RALGAPA2: variants seen among roughly 807,000 people sequenced by gnomAD.
RALGAPA2 encodes the protein Ral GTPase activating protein catalytic subunit alpha 2.
Under a neutral mutation model 230.4 loss-of-function variants are expected in RALGAPA2, and 139 were observed. The ratio of observed to expected loss-of-function variants is 0.60; its 90% CI spans 0.53 to 0.69. The LOEUF (loss-of-function observed/expected upper bound fraction) is 0.69, where lower values mean the gene tolerates loss of function less well. RALGAPA2 is among the 30% of genes least tolerant of loss of function. RALGAPA2 has a pLI of 0.00. For synonymous variants in RALGAPA2, 847 were observed against 837.8 expected (o/e 1.01, Z -0.19); for missense variants, 2,163 against 2,276.0 (o/e 0.95, Z 1.01).
Position 20,536,746 on chromosome 20 carries a change from C to A in RALGAPA2, c.3324G>T (p.Leu1108=). The A allele has an allele frequency of 6.2e-7, 1 of 1,612,810 alleles. No homozygotes were observed. Among genetic ancestry groups the A allele is most frequent in the South Asian group, 1.1e-5 (1 of 91,012 alleles). ...RSEAVTVLGS[L]VCFPNTYQEI... Reference sequence around the variant, plus strand: ...CCTGGTAGGTATTTGGAAAGCAGACCAGAGAGCCGAGGACAGTGACAGCCT... The same window carrying A: ...CCTGGTAGGTATTTGGAAAGCAGACAAGAGAGCCGAGGACAGTGACAGCCT... The change falls in exon 25 of 40, where the codon CTG becomes CTT. Residue 1108 remains leucine (L), a synonymous_variant. Transcript: ENST00000202677.
At chr20:20,483,458 G>T (rs757467574) in intron 36 of RALGAPA2, among the ~76,000 whole-genome samples, 1 of 152,194 alleles carries the variant, frequency 6.6e-6, no homozygotes, top group East Asian at 1.9e-4. Flanking sequence ...TTCCATGTAA[G>T]TGCCTGGCCA....
intron 23 of RALGAPA2, among the ~76,000 whole-genome samples, chr20:20,554,455 GT>G (rs1330635497): frequency 6.6e-6 from 1 of 152,048 alleles, no homozygotes; most frequent in Non-Finnish European, 1.5e-5. Flanking sequence ...TTGGTGACTG[GT>G]TTTGATATGA....
chr20:20,614,197 C>T (rs1235580643), intron 13 of RALGAPA2, among the ~76,000 whole-genome samples: 1 of 152,166 alleles, frequency 6.6e-6, no homozygotes, highest in Non-Finnish European at 1.5e-5. Context: ...TTTCTATGCT[C>T]TATTGACCAT....
chr20:20,513,529 T>C (rs1299518981), intron 31 of RALGAPA2, among the ~76,000 whole-genome samples: 12 of 152,074 alleles, frequency 7.9e-5, no homozygotes. Context: ...GGGAGGACAA[T>C]GCAGGCAAAC....
intron 36 of RALGAPA2, among the ~76,000 whole-genome samples, chr20:20,481,465 G>A (rs561050913): frequency 9.9e-5 from 15 of 152,256 alleles, no homozygotes; most frequent in South Asian, 4.2e-4. Flanking sequence ...AAGAATGTGC[G>A]TGGCTTAACT....
intron 37 of RALGAPA2, among the ~76,000 whole-genome samples, chr20:20,415,300 A>G (rs564165367): frequency 5.2e-4 from 79 of 152,366 alleles, no homozygotes; most frequent in African/African-American, 1.8e-3. Flanking sequence ...CTGGACGGTC[A>G]AAGACCTTTC....
rs188784965 is a variant in RALGAPA2, at chr20:20,621,856, G to A, written c.1234-1226C>T. Among the ~76,000 whole-genome samples the A allele has an allele frequency of 1.4e-4, 22 of 152,324 alleles. No homozygotes were observed. The South Asian group carries it at 3.9e-3, about 27-fold the overall frequency. On this transcript the variant is annotated intron_variant, in intron 10 of 39. Transcript: ENST00000202677. Reference sequence around the variant, plus strand: ...CTTTAATGTCACAGATGAGGATACCGAGGCTTACAGCACCAGAGGTATTCT... The same window carrying A: ...CTTTAATGTCACAGATGAGGATACCAAGGCTTACAGCACCAGAGGTATTCT...
chr20:20,602,802 A>C (rs911904223), intron 15 of RALGAPA2, among the ~76,000 whole-genome samples: 2 of 148,966 alleles, frequency 1.3e-5, no homozygotes, highest in Non-Finnish European at 3.0e-5. Context: ...AGAATCTTGC[A>C]GAATGGCAGG....
chr20:20,409,086 G>C (rs1175184993), intron 38 of RALGAPA2, among the ~76,000 whole-genome samples: 1 of 152,176 alleles, frequency 6.6e-6, no homozygotes, highest in South Asian at 2.1e-4. Flanking sequence ...CATCCTGAAC[G>C]CAAGCCTGTT....
At chr20:20,399,036 G>A (rs1448578954) in intron 38 of RALGAPA2, among the ~76,000 whole-genome samples, 1 of 152,150 alleles carries the variant, frequency 6.6e-6, no homozygotes, top group Non-Finnish European at 1.5e-5. Context: ...CTCCACGGTG[G>A]GGTGATAATG....
intron 1 of RALGAPA2, among the ~76,000 whole-genome samples, chr20:20,691,624 C>T (rs759921594): frequency 6.6e-6 from 1 of 152,110 alleles, no homozygotes; most frequent in East Asian, 1.9e-4. Context: ...TAAGGAGTTC[C>T]ACACCGCTAA....
chr20:20,528,073 A>G (rs2063266951), intron 27 of RALGAPA2, among the ~76,000 whole-genome samples: 1 of 152,052 alleles, frequency 6.6e-6, no homozygotes, highest in Non-Finnish European at 1.5e-5. Flanking sequence ...TGGAGAATGC[A>G]GGGGGGATGT....
At chr20:20,563,800 T>TCCA (rs1713958043) in intron 23 of RALGAPA2, among the ~76,000 whole-genome samples, 1 of 151,966 alleles carries the variant, frequency 6.6e-6, no homozygotes, top group South Asian at 2.1e-4. Flanking sequence ...ATCCTACCTC[T>TCCA]CCAACATATT....
At chr20:20,705,603 A>T (rs1603258717) in intron 1 of RALGAPA2, among the ~76,000 whole-genome samples, 1 of 152,212 alleles carries the variant, frequency 6.6e-6, no homozygotes, top group South Asian at 2.1e-4. Context: ...CTTTTAAAAA[A>T]TTTTTAAAAT....
chr20:20,585,335 T>C lies in RALGAPA2; in HGVS notation c.2440-380A>G, dbSNP rs79514692. ...TGCACACAAATGATAAGTGTGCTGG[T>C]AGGGAAGGCGCAAACTCCACCCAGA... On this transcript the variant is annotated intron_variant, in intron 18 of 39. Coordinates refer to ENST00000202677, the MANE Select transcript of RALGAPA2 (RefSeq NM_020343.4). 2.4e-3 allele frequency among the ~76,000 whole-genome samples: 367 copies of C among 152,204 alleles called. 1 individual carries two copies. Among genetic ancestry groups the C allele is most frequent in the African/African-American group, 8.3e-3 (344 of 41,514 alleles).
intron 23 of RALGAPA2, among the ~76,000 whole-genome samples, chr20:20,561,954 G>A (rs899894428): frequency 2.6e-5 from 4 of 152,144 alleles, no homozygotes; most frequent in African/African-American, 9.7e-5. Context: ...AGTGTGTCCA[G>A]ACATTGCCAA....
chr20:20,566,884 G>C (rs1415352285), intron 23 of RALGAPA2, among the ~76,000 whole-genome samples: 1 of 152,026 alleles, frequency 6.6e-6, no homozygotes, highest in Non-Finnish European at 1.5e-5. Context: ...GTTACTTCAG[G>C]GCAGAACAAC....
chr20:20,570,689 C>T (rs945494401), intron 23 of RALGAPA2, among the ~76,000 whole-genome samples: 1 of 152,182 alleles, frequency 6.6e-6, no homozygotes, highest in Non-Finnish European at 1.5e-5. Context: ...CATCTACAGG[C>T]CAATCTCTGA....
At chr20:20,510,028 C>T (rs1250321336) in intron 33 of RALGAPA2, among the ~76,000 whole-genome samples, 1 of 152,126 alleles carries the variant, frequency 6.6e-6, no homozygotes, top group Admixed American at 6.5e-5. Context: ...CAAGAGTTTG[C>T]TTGAAAATAA....
Sources: gnomAD v4.1 joint callset for allele counts (sites outside exome capture counted in the v4.1 genomes callset) on GRCh38, gnomAD v4.1.1 for gene constraint, MANE v1.5 for transcripts, NCBI Gene and HGNC (gene_info 2026-07-23, HGNC 2026-07-21) for gene names.